Variants in KCNMB2 observed in about 807,000 individuals in gnomAD.
KCNMB2 encodes calcium-activated potassium channel subunit beta-2.
A neutral mutation model predicts 24.5 loss-of-function variants in KCNMB2; 9 were observed. The ratio of observed to expected loss-of-function variants is 0.37; its 90% CI spans 0.22 to 0.64. The LOEUF (loss-of-function observed/expected upper bound fraction) is 0.64, where lower values mean the gene tolerates loss of function less well. Among genes scored for constraint, KCNMB2 ranks in the 30% least tolerant of loss-of-function variants. The pLI, the probability that KCNMB2 is intolerant of heterozygous loss-of-function variation, is 0.63. For synonymous variants in KCNMB2, 109 were observed against 104.4 expected, an observed-to-expected ratio of 1.04 and a Z score of -0.27; for missense variants, 226 against 284.3, an observed-to-expected ratio of 0.79 and a Z score of 1.47.
At chr3:178,541,886 G>A (rs983302331) in intron 1 of KCNMB2, among the ~76,000 whole-genome samples, 19 of 152,128 alleles carry the variant, frequency 1.2e-4, no homozygotes, top group Middle Eastern at 3.4e-3. Flanking sequence ...GACTCAGTCC[G>A]ATCACCTGCT....
chr3:178,825,531 C>T, intron 2 of KCNMB2, 57 bp from the exon 3 acceptor site: 1 of 1,492,410 alleles, frequency 6.7e-7, no homozygotes, highest in African/African-American at 1.4e-5. Flanking sequence ...GACCTGCTCT[C>T]TAGGGGCATG....
At chr3:178,835,333 T>G (rs929237086) in intron 4 of KCNMB2, among the ~76,000 whole-genome samples, 1 of 152,118 alleles carries the variant, frequency 6.6e-6, no homozygotes, top group Non-Finnish European at 1.5e-5. Context: ...AAGTTCAAAC[T>G]AAACAAGTCT....
chr3:178,727,937 C>G (rs1342120193), intron 1 of KCNMB2, among the ~76,000 whole-genome samples: 1 of 152,210 alleles, frequency 6.6e-6, no homozygotes, highest in African/African-American at 2.4e-5. Flanking sequence ...TCCACACATA[C>G]TGCTAACAAT....
intron 1 of KCNMB2, among the ~76,000 whole-genome samples, chr3:178,758,733 A>C (rs1379311652): frequency 1.6e-4 from 7 of 44,506 alleles, no homozygotes; most frequent in Admixed American, 2.6e-4. Context: ...TATATCTCCA[A>C]GAGGAGATAT....
intron 1 of KCNMB2, among the ~76,000 whole-genome samples, chr3:178,566,652 T>C (rs1716532854): frequency 1.5e-5 from 2 of 135,928 alleles, no homozygotes; most frequent in African/African-American, 6.0e-5. Flanking sequence ...TTAATTTAAT[T>C]TTTTAAATCA....
At chr3:178,787,737 C>A (rs1264473664) in intron 1 of KCNMB2, among the ~76,000 whole-genome samples, 1 of 152,002 alleles carries the variant, frequency 6.6e-6, no homozygotes, top group Non-Finnish European at 1.5e-5. Context: ...ATCGCTTAAC[C>A]ATTACTTCTT....
At chr3:178,839,782 C>T (rs921677141) in intron 4 of KCNMB2, among the ~76,000 whole-genome samples, 2 of 152,170 alleles carry the variant, frequency 1.3e-5, no homozygotes, top group Non-Finnish European at 2.9e-5. Context: ...ATCCAGTCAC[C>T]TCCCACCAGG....
At chr3:178,656,284 A>G (rs1344922217) in intron 1 of KCNMB2, among the ~76,000 whole-genome samples, 1 of 152,226 alleles carries the variant, frequency 6.6e-6, no homozygotes, top group Non-Finnish European at 1.5e-5. Flanking sequence ...ACGATTCTCC[A>G]GGAACAGGCA....
At chr3:178,772,398 G>C (rs570830209) in intron 1 of KCNMB2, among the ~76,000 whole-genome samples, 69 of 152,190 alleles carry the variant, frequency 4.5e-4, no homozygotes, top group Non-Finnish European at 7.2e-4. Flanking sequence ...TGAATTTTGG[G>C]GGCAGGTCTT....
intron 1 of KCNMB2, among the ~76,000 whole-genome samples, chr3:178,686,995 T>A (rs1013929185): frequency 6.6e-5 from 10 of 152,166 alleles, no homozygotes; most frequent in Admixed American, 6.6e-4. Flanking sequence ...ATTGAATCTA[T>A]GAATAGGTTT....
chr3:178,666,619 T>C (rs1720727961), intron 1 of KCNMB2, among the ~76,000 whole-genome samples: 1 of 152,180 alleles, frequency 6.6e-6, no homozygotes, highest in Non-Finnish European at 1.5e-5. Context: ...AGCTTGCATG[T>C]TGAAAATCTT....
At position 178,834,191 on chromosome 3, in the gene KCNMB2, T is replaced by A. The variant is rs77516892; in HGVS notation, c.423+5818T>A. On this transcript the variant is annotated intron_variant, in intron 4 of 4. Coordinates refer to ENST00000452583, the MANE Select transcript of KCNMB2 (RefSeq NM_181361.3). ...TGTAGAAAAATCCAAATTCAGTTTC[T>A]CCTACTATACTCTCACAACACACTG... 1.4e-3 allele frequency among the ~76,000 whole-genome samples: 206 copies of A among 152,288 alleles called. 1 individual carries two copies. In the East Asian group the frequency reaches 0.029, roughly 21 times the overall value.
intron 1 of KCNMB2, among the ~76,000 whole-genome samples, chr3:178,689,563 G>A (rs563774907): frequency 6.6e-6 from 1 of 152,294 alleles, no homozygotes; most frequent in Admixed American, 6.5e-5. Flanking sequence ...GTGAACCCAG[G>A]AGGAGGAGCT....
intron 1 of KCNMB2, among the ~76,000 whole-genome samples, chr3:178,657,342 G>A (rs1720381164): frequency 6.6e-6 from 1 of 152,198 alleles, no homozygotes; most frequent in Non-Finnish European, 1.5e-5. Context: ...ACTCCAGCCT[G>A]GAGTTGAGAG....
chr3:178,747,772 G>C (rs1723718464), intron 1 of KCNMB2, among the ~76,000 whole-genome samples: 1 of 152,162 alleles, frequency 6.6e-6, no homozygotes, highest in African/African-American at 2.4e-5. Flanking sequence ...TCTTGGTCCT[G>C]ATTCTACCTC....
At chr3:178,669,021 C>G (rs13097477) in intron 1 of KCNMB2, among the ~76,000 whole-genome samples, 13,268 of 152,116 alleles carry the variant, frequency 0.087, 772 homozygotes, top group Middle Eastern at 0.16. Context: ...CTGTCTTCTG[C>G]TTCTTATGAG....
At chr3:178,789,452 G>C (rs1309183058) in intron 1 of KCNMB2, among the ~76,000 whole-genome samples, 1 of 152,172 alleles carries the variant, frequency 6.6e-6, no homozygotes, top group African/African-American at 2.4e-5. Flanking sequence ...CAAAAATCAG[G>C]TGAGCAGTCA....
intron 1 of KCNMB2, among the ~76,000 whole-genome samples, chr3:178,622,546 C>A (rs551916774): frequency 1.3e-5 from 2 of 152,240 alleles, no homozygotes; most frequent in South Asian, 4.1e-4. Flanking sequence ...CTCAAACTAC[C>A]CAAGGCCAGA....
chr3:178,571,492 TTC>T (rs1716796727), intron 1 of KCNMB2, among the ~76,000 whole-genome samples: 1 of 122,154 alleles, frequency 8.2e-6, no homozygotes, highest in Non-Finnish European at 1.8e-5. Flanking sequence ...ATATACTTTT[TTC>T]TGTTTCACTT....
Sources: gnomAD v4.1 joint callset for allele counts (sites outside exome capture counted in the v4.1 genomes callset) on GRCh38, gnomAD v4.1.1 for gene constraint, MANE v1.5 for transcripts, NCBI Gene and HGNC (gene_info 2026-07-23, HGNC 2026-07-21) for gene names.